Variants in MAP3K10 observed in about 807,000 individuals in gnomAD.
MAP3K10 encodes the protein mitogen-activated protein kinase kinase kinase 10.
MAP3K10 carries 22 observed loss-of-function variants against 75.0 expected under a neutral mutation model. The ratio of observed to expected loss-of-function variants is 0.29; its 90% CI spans 0.21 to 0.42. The LOEUF is 0.42. Ranked by LOEUF, MAP3K10 falls within the 10% of genes least tolerant of loss-of-function variation. The pLI is 1.00. For missense variants in MAP3K10, 1,165 were observed against 1,379.8 expected (o/e 0.84, Z 2.47); for synonymous variants, 599 against 612.9 (o/e 0.98, Z 0.34).
At position 40,212,405 on chromosome 19, in the gene MAP3K10, T is replaced by C. The variant is rs1568493917; in HGVS notation, c.1553-400T>C. 6.6e-6 allele frequency among the ~76,000 whole-genome samples: 1 copy of C among 151,980 alleles called. No individual in the cohort carries two copies. Among genetic ancestry groups the C allele is most frequent in the Non-Finnish European group, 1.5e-5 (1 of 67,998 alleles). ...GACACAGAGACAAATACCCATACCA[T>C]GGCAGCAAACACTGGCACCAGATAG... On this transcript the variant is annotated intron_variant, in intron 6 of 9. Coordinates refer to ENST00000253055, the MANE Select transcript of MAP3K10 (RefSeq NM_002446.4). The surrounding 1 kb of genome is among the most constrained non-coding windows in gnomAD (Gnocchi z 4.2).
rs113841557 is a variant in MAP3K10, at chr19:40,198,862, G to T, written c.863+307G>T. Reference sequence around the variant, plus strand: ...GTGGGCGGATCACTTGAGGTCAGGAGTTTGAGACCAGCCTGACCAACATGG... The same window carrying T: ...GTGGGCGGATCACTTGAGGTCAGGATTTTGAGACCAGCCTGACCAACATGG... On this transcript the variant is annotated intron_variant, in intron 2 of 9. Coordinates refer to ENST00000253055, the MANE Select transcript of MAP3K10 (RefSeq NM_002446.4). This position sits in a 1 kb window ranked among gnomAD's most constrained non-coding sequence, Gnocchi z 4.3. 0.039 allele frequency among the ~76,000 whole-genome samples: 5,961 copies of T among 152,304 alleles called. 228 individuals carry two copies. The highest frequency in any genetic ancestry group is 0.096 in the African/African-American group (3,976 of 41,564).
intron 2 of MAP3K10, among the ~76,000 whole-genome samples, chr19:40,203,195 C>T (rs1411898797): frequency 6.6e-6 from 1 of 152,072 alleles, no homozygotes; most frequent in Non-Finnish European, 1.5e-5. Flanking sequence ...CACAAATTAG[C>T]TGGGATGGTG....
Position 40,213,215 on chromosome 19 carries a change from G to A in MAP3K10, c.1837+27G>A, listed in dbSNP as rs1200362157. 3 of 1,538,122 alleles carry A rather than the reference G, an allele frequency of 2.0e-6. No individual in the cohort carries two copies. Among genetic ancestry groups the A allele is most frequent in the Non-Finnish European group, 1.8e-6 (2 of 1,141,026 alleles). On this transcript the variant is annotated intron_variant, in intron 8 of 9. Coordinates refer to ENST00000253055, the MANE Select transcript of MAP3K10 (RefSeq NM_002446.4). This position sits in a 1 kb window ranked among gnomAD's most constrained non-coding sequence, Gnocchi z 5.7. Reference sequence around the variant, plus strand: ...TAAGAGCCTGGGTTCTTGTAAGGGGGTGGGGGTTCCCTGGCCAAAGGGGTG... The same window carrying A: ...TAAGAGCCTGGGTTCTTGTAAGGGGATGGGGGTTCCCTGGCCAAAGGGGTG...
rs368468818 is a variant in MAP3K10 at position 40,215,550 on chromosome 19, G to A, written c.*258G>A. On this transcript the variant is annotated 3_prime_UTR_variant, in exon 10 of 10. Transcript: ENST00000253055. ...CATGGGGGATTTGGCACAAAATGGA[G>A]CATTAAAGGTAACCCCTGCCCCCTA... 93 of 477,884 alleles carry A rather than the reference G, an allele frequency of 1.9e-4. No individual in the cohort carries two copies. In the East Asian group the frequency reaches 3.0e-3, roughly 16 times the overall value. The allele number at this position is 477,884 out of a possible 1,614,324, so 29.6% of individuals were successfully genotyped here.
intron 1 of MAP3K10, among the ~76,000 whole-genome samples, chr19:40,193,754 T>C (rs995476518): frequency 6.6e-6 from 1 of 152,178 alleles, no homozygotes; most frequent in Admixed American, 6.5e-5. Context: ...CATTCATTTG[T>C]TCATTCTTCC....
chr19:40,206,269 G>A (rs917014502), intron 5 of MAP3K10, 112 bp downstream of exon 5: 23 of 1,324,548 alleles, frequency 1.7e-5, no homozygotes, highest in African/African-American at 3.0e-5. Flanking sequence ...TAAATATATC[G>A]CACATAGTCA....
In MAP3K10 at chr19:40,208,345, C is replaced by CT. The variant is rs747110243; in HGVS notation, c.1436-734dup. ...CGCCACCACGCCTGGCTCTTTCTTT[C>CT]TTTTTTTTTTTTTTTTTTTTTTTTG... On this transcript the variant is annotated intron_variant, in intron 5 of 9. Transcript: ENST00000253055. 9.7e-3 allele frequency among the ~76,000 whole-genome samples: 542 copies of CT among 55,814 alleles called. 2 individuals carry two copies. Among genetic ancestry groups the CT allele is most frequent in the Non-Finnish European group, 0.011 (320 of 29,812 alleles). 36.6% of individuals were successfully genotyped at this position (55,814 alleles called of 152,430 possible).
At position 40,214,121 on chromosome 19, in the gene MAP3K10, C is replaced by A; in HGVS notation, c.2442C>A (p.His814Gln). 6.4e-7 allele frequency: 1 copy of A among 1,564,048 alleles called. No individual in the cohort carries two copies. ...CCCGCCAGTCGCTCACGCCCACCCA[C>A]GTCACGGCTGCATGCGCTGTGAGCC... The part of the protein sequence containing the change: ...KDPRQSLTPT[H>Q]VTAACAVSRG... Residue 814 changes from histidine to glutamine, a missense_variant, in exon 9 of 10, where the codon CAC (histidine) becomes CAA (glutamine). Coordinates refer to ENST00000253055, the MANE Select transcript of MAP3K10 (RefSeq NM_002446.4).
At position 40,214,016 on chromosome 19, in the gene MAP3K10, C is replaced by CCCCCCCCCCCCCCCACCCA; in HGVS notation, c.2339_2340insCCCCCCCCCCCCACCCACC (p.Ala782ProfsTer76). 1 of 1,505,702 alleles carries CCCCCCCCCCCCCCCACCCA rather than the reference C, an allele frequency of 6.6e-7. No individual in the cohort carries two copies. The highest frequency in any genetic ancestry group is 8.8e-7 in the Non-Finnish European group (1 of 1,130,224). The allele number at this position is 1,505,702 out of a possible 1,614,324, so 93.3% of individuals were successfully genotyped here. A position where few individuals can be genotyped will look rare whatever the true frequency, so the allele number is the denominator to read the frequency against. The stretch of plus-strand genomic sequence containing the variant: ...CGGCCGCGCCCTCCCCACCACCCTC[C>CCCCCCCCCCCCCCCACCCA]CCGCCCGCGCCCACACCCACGCCCT... On this transcript the variant is annotated frameshift_variant, in exon 9 of 10. Transcript: ENST00000253055. LOFTEE classifies it high-confidence loss of function.
chr19:40,212,669 G>C lies in MAP3K10; in HGVS notation c.1553-136G>C. On this transcript the variant is annotated intron_variant, in intron 6 of 9. Transcript: ENST00000253055. The surrounding 1 kb of genome is among the most constrained non-coding windows in gnomAD (Gnocchi z 4.2). The stretch of plus-strand genomic sequence containing the variant: ...GGGCTATGGGGAGATATATAGCAGG[G>C]AGGGTCATGACTGGAGTTCAAAAGA... The C allele has an allele frequency of 9.4e-7, 1 of 1,065,740 alleles. No homozygotes were observed. The highest frequency in any genetic ancestry group is 2.6e-5 in the East Asian group (1 of 38,548). 66.0% of individuals were successfully genotyped at this position (1,065,740 alleles called of 1,614,324 possible).
At chr19:40,203,514 C>T (rs1034605188) in intron 2 of MAP3K10, among the ~76,000 whole-genome samples, 4 of 152,178 alleles carry the variant, frequency 2.6e-5, no homozygotes, top group Non-Finnish European at 5.9e-5. Flanking sequence ...TACCATGGAG[C>T]CACTGAGAGC....
At position 40,214,055 on chromosome 19, in the gene MAP3K10, C is replaced by A. The variant is rs1199569116; in HGVS notation, c.2376C>A (p.Asn792Lys). 3.6e-6 allele frequency: 5 copies of A among 1,382,298 alleles called. No individual in the cohort carries two copies. The highest frequency in any genetic ancestry group is 2.1e-5 in the Admixed American group (1 of 47,936). 85.6% of individuals were successfully genotyped at this position (1,382,298 alleles called of 1,614,324 possible). A position where few individuals can be genotyped will look rare whatever the true frequency, so the allele number is the denominator to read the frequency against. Residue 792 changes from asparagine (N) to lysine (K), a missense_variant, in exon 9 of 10, where the codon AAC (asparagine) becomes AAA (lysine). Asn to Lys is a moderately conservative substitution (Grantham distance 94). Around this residue, in one of 2 missense-constraint regions of MAP3K10, gnomAD observed 590 missense variants for 586.6 expected, o/e 1.01. Transcript: ENST00000253055. ...APTPTPSPST[N>K]PLVDLELESF... is the part of the protein sequence containing the mutation. ...CACCCACGCCCTCGCCCAGCACCAACCCCCTGGTGGACCTGGAGCTGGAGA... is the reference window on the plus strand; with the variant it reads ...CACCCACGCCCTCGCCCAGCACCAAACCCCTGGTGGACCTGGAGCTGGAGA...
chr19:40,197,317 G>GT (rs899902829), intron 1 of MAP3K10, among the ~76,000 whole-genome samples: 1 of 151,890 alleles, frequency 6.6e-6, no homozygotes, highest in African/African-American at 2.4e-5. Context: ...CTCTGCCTTT[G>GT]TTTTTGTTTT....
At position 40,212,885 on chromosome 19, in the gene MAP3K10, A is replaced by C. The variant is rs1466165195; in HGVS notation, c.1633A>C (p.Lys545Gln). Residue 545 changes from lysine (K) to glutamine (Q), a missense_variant, in exon 7 of 10, where the codon AAG becomes CAG. Physicochemically the swap from Lys to Gln is moderately conservative, Grantham distance 53. Transcript: ENST00000253055. The surrounding 1 kb of genome is among the most constrained non-coding windows in gnomAD (Gnocchi z 4.2). ...SGTWSRGGPPKKEELVGGKKK... is the reference protein window; with the variant it reads ...SGTWSRGGPPQKEELVGGKKK... ...GACATGGAGCCGCGGTGGGCCCCCA[A>C]AGAAGGAAGAACTGGTCGGGGGCAA... The C allele has an allele frequency of 6.2e-7, 1 of 1,613,148 alleles. No homozygotes were observed. Among genetic ancestry groups the C allele is most frequent in the Non-Finnish European group, 8.5e-7 (1 of 1,179,802 alleles).
rs1471926088 is a variant in MAP3K10, at chr19:40,192,129, A to C, written c.98A>C (p.Glu33Ala). ...AVFDYEAAGD[E>A]ELTLRRGDRV... The stretch of plus-strand genomic sequence containing the variant: ...TTCGACTACGAGGCGGCGGGCGACG[A>C]GGAGCTGACCCTGCGGAGGGGCGAT... Residue 33 changes from glutamate (E) to alanine (A), a missense_variant, in exon 1 of 10, where the codon GAG becomes GCG. Glu to Ala is a moderately radical substitution (Grantham distance 107). Transcript: ENST00000253055. The surrounding 1 kb of genome is among the most constrained non-coding windows in gnomAD (Gnocchi z 7.1). 6.3e-7 allele frequency: 1 copy of C among 1,582,290 alleles called. No individual in the cohort carries two copies. Among genetic ancestry groups the C allele is most frequent in the South Asian group, 1.2e-5 (1 of 86,368 alleles).
chr19:40,209,893 AG>A (rs1973201912), intron 6 of MAP3K10, among the ~76,000 whole-genome samples: 1 of 152,048 alleles, frequency 6.6e-6, no homozygotes, highest in Admixed American at 6.5e-5. Flanking sequence ...GCACTTTGGG[AG>A]GATGAAGTGG....
Position 40,214,064 on chromosome 19 carries a change from G to A in MAP3K10, c.2385G>A (p.Val795=), listed in dbSNP as rs376977398. Residue 795 remains valine, a synonymous_variant, in exon 9 of 10, where the codon GTG becomes GTA. Coordinates refer to ENST00000253055, the MANE Select transcript of MAP3K10 (RefSeq NM_002446.4). ...CCTCGCCCAGCACCAACCCCCTGGT[G>A]GACCTGGAGCTGGAGAGCTTCAAGA... is the stretch of plus-strand genomic sequence containing the variant. ...PTPSPSTNPL[V]DLELESFKKD... 25 of 1,548,238 alleles carry A rather than the reference G, an allele frequency of 1.6e-5. No individual in the cohort carries two copies. Among genetic ancestry groups the A allele is most frequent in the Middle Eastern group, 1.7e-4 (1 of 5,886 alleles).
At position 40,213,598 on chromosome 19, in the gene MAP3K10, T is replaced by C; in HGVS notation, c.1919T>C (p.Leu640Pro). ...YSTPSYLSVP[L>P]PAEPSPGARA... ...ACCCCGTCCTACCTCTCAGTGCCAC[T>C]GCCTGCCGAGCCCTCCCCGGGGGCG... is the stretch of plus-strand genomic sequence containing the variant. Residue 640 changes from leucine (L) to proline (P), a missense_variant, in exon 9 of 10, where the codon CTG (leucine) becomes CCG (proline). By Grantham distance (98) the Leu-to-Pro change is moderately conservative. Transcript: ENST00000253055. This position sits in a 1 kb window ranked among gnomAD's most constrained non-coding sequence, Gnocchi z 5.7. 4.4e-6 allele frequency: 7 copies of C among 1,594,788 alleles called. No homozygotes were observed. The highest frequency in any genetic ancestry group is 6.0e-6 in the Non-Finnish European group (7 of 1,171,526).
At chr19:40,197,237 G>A (rs1035552346) in intron 1 of MAP3K10, among the ~76,000 whole-genome samples, 1 of 152,172 alleles carries the variant, frequency 6.6e-6, no homozygotes, top group Non-Finnish European at 1.5e-5. Flanking sequence ...TGCAAGGCCT[G>A]GGCTTGGAAT....
Sources: gnomAD v4.1 joint callset for allele counts (sites outside exome capture counted in the v4.1 genomes callset) on GRCh38, gnomAD v4.1.1 for gene constraint, gnomAD v4.1.1 regional missense constraint, Gnocchi (gnomAD v3.1) non-coding constraint, MANE v1.5 for transcripts, NCBI Gene and HGNC (gene_info 2026-07-23, HGNC 2026-07-21) for gene names.